Variants in PVT1 observed in about 807,000 individuals in gnomAD.
PVT1 encodes the protein CXCR4/PVT1 fusion.
intron 2 of PVT1, among the ~76,000 whole-genome samples, chr8:127,826,140 A>G (rs1487667788): frequency 6.6e-6 from 1 of 150,530 alleles, no homozygotes; most frequent in East Asian, 2.0e-4. Context: ...GATTATAGGC[A>G]TGAGCTACCG....
chr8:127,953,917 C>T (rs1816538277), intron 3 of PVT1, among the ~76,000 whole-genome samples: 1 of 152,168 alleles, frequency 6.6e-6, no homozygotes, highest in African/African-American at 2.4e-5. Context: ...ACAGAAGATA[C>T]ATACATAAAT....
chr8:127,936,238 G>A (rs988986582), intron 3 of PVT1, among the ~76,000 whole-genome samples: 1 of 151,824 alleles, frequency 6.6e-6, no homozygotes, highest in African/African-American at 2.4e-5. Flanking sequence ...TTTTAGGAGA[G>A]ATGGGGTTTC....
chr8:128,022,544 C>T (rs766384646), intron 4 of PVT1, among the ~76,000 whole-genome samples: 5 of 152,196 alleles, frequency 3.3e-5, no homozygotes, highest in Non-Finnish European at 7.3e-5. Context: ...TGAAGAATTC[C>T]TGGCAGGGCC....
chr8:127,826,215 A>G (rs55993661), intron 2 of PVT1, among the ~76,000 whole-genome samples: 2 of 151,598 alleles, frequency 1.3e-5, no homozygotes, highest in Non-Finnish European at 2.9e-5. Context: ...GCTTGGCCTC[A>G]GGATCTTGGT....
At chr8:127,887,931 GTTTTTTTTTTTT>G (rs560976785) in intron 2 of PVT1, among the ~76,000 whole-genome samples, 21 of 66,590 alleles carry the variant, frequency 3.2e-4, no homozygotes, top group East Asian at 6.3e-4. Flanking sequence ...ACTCTATCTT[GTTTTTTTTTTTT>G]TTTTTTTTTT....
At chr8:128,015,791 G>A (rs12548633) in intron 4 of PVT1, among the ~76,000 whole-genome samples, 114,753 of 139,594 alleles carry the variant, frequency 0.82, 47,113 homozygotes, top group East Asian at 0.89. Context: ...AAAAAAAAAA[G>A]GTTTGAGAAG....
At chr8:127,979,204 G>A (rs61038264) in intron 3 of PVT1, among the ~76,000 whole-genome samples, 1 of 152,106 alleles carries the variant, frequency 6.6e-6, no homozygotes, top group Non-Finnish European at 1.5e-5. Context: ...TTTTATATTA[G>A]GTGCTAGGTG....
intron 4 of PVT1, among the ~76,000 whole-genome samples, chr8:128,006,103 A>G (rs1461615212): frequency 8.4e-6 from 1 of 119,362 alleles, no homozygotes; most frequent in Non-Finnish European, 1.7e-5. Flanking sequence ...ACCTTGTCTC[A>G]AATAATAATA....
chr8:127,838,760 A>G (rs914851418), intron 2 of PVT1, among the ~76,000 whole-genome samples: 26 of 152,206 alleles, frequency 1.7e-4, no homozygotes, highest in Admixed American at 1.4e-3. Flanking sequence ...ACTATGTGCC[A>G]GACACTATTC....
chr8:128,058,108 C>T (rs1813783008), intron 4 of PVT1, among the ~76,000 whole-genome samples: 2 of 152,200 alleles, frequency 1.3e-5, no homozygotes, highest in Non-Finnish European at 2.9e-5. Flanking sequence ...GACCAGCTTT[C>T]CTACTCAACA....
At chr8:127,895,951 G>A (rs554719533) in intron 3 of PVT1, among the ~76,000 whole-genome samples, 2 of 152,288 alleles carry the variant, frequency 1.3e-5, no homozygotes, top group South Asian at 4.1e-4. Context: ...ACTGGCAATA[G>A]GCCTTTAGGC....
intron 4 of PVT1, among the ~76,000 whole-genome samples, chr8:128,034,019 C>G (rs115304050): frequency 6.6e-6 from 1 of 151,620 alleles, no homozygotes; most frequent in Non-Finnish European, 1.5e-5. Flanking sequence ...CCCAGCCCTG[C>G]CGAGCTGTGA....
At chr8:127,975,634 C>T (rs1477450037) in intron 3 of PVT1, among the ~76,000 whole-genome samples, 1 of 152,218 alleles carries the variant, frequency 6.6e-6, no homozygotes, top group Non-Finnish European at 1.5e-5. Flanking sequence ...CTGCTCTTCA[C>T]GTCGTGGGGT....
At chr8:127,984,651 G>A (rs1485997557) in intron 3 of PVT1, among the ~76,000 whole-genome samples, 2 of 152,118 alleles carry the variant, frequency 1.3e-5, no homozygotes, top group Non-Finnish European at 2.9e-5. Context: ...CTGTCGCCCA[G>A]GCTGGAGTGC....
At chr8:128,037,640 C>A (rs1327947409) in intron 4 of PVT1, among the ~76,000 whole-genome samples, 2 of 152,172 alleles carry the variant, frequency 1.3e-5, no homozygotes, top group Non-Finnish European at 2.9e-5. Context: ...CCCAACCCTC[C>A]CACGTTCTCT....
At chr8:127,877,934 A>G (rs1355907794) in intron 2 of PVT1, among the ~76,000 whole-genome samples, 1 of 152,042 alleles carries the variant, frequency 6.6e-6, no homozygotes, top group Non-Finnish European at 1.5e-5. Flanking sequence ...TCAAAAAAAC[A>G]ACAACCCCCC....
intron 3 of PVT1, among the ~76,000 whole-genome samples, chr8:127,936,034 CTTTTTTTT>C (rs937905808): frequency 9.9e-6 from 1 of 101,270 alleles, no homozygotes; most frequent in African/African-American, 4.2e-5. Context: ...CTCTCTCTCT[CTTTTTTTT>C]TTTTTTTTTT....
At chr8:127,832,917 G>A (rs35352864) in intron 2 of PVT1, among the ~76,000 whole-genome samples, 103,831 of 152,012 alleles carry the variant, frequency 0.68, 36,655 homozygotes, top group African/African-American at 0.86. Flanking sequence ...CAGGTATTGG[G>A]TAAAAGGTTA....
At chr8:127,914,784 T>G (rs1295088078) in intron 3 of PVT1, among the ~76,000 whole-genome samples, 1 of 150,336 alleles carries the variant, frequency 6.7e-6, no homozygotes, top group Non-Finnish European at 1.5e-5. Flanking sequence ...CCATGGGGAG[T>G]AGCTGCTTAA....
Sources: gnomAD v4.1 joint callset for allele counts (sites outside exome capture counted in the v4.1 genomes callset) on GRCh38, gnomAD v4.1.1 for gene constraint, MANE v1.5 for transcripts, NCBI Gene and HGNC (gene_info 2026-07-23, HGNC 2026-07-21) for gene names.